Variants in WDR59 observed in about 807,000 individuals in gnomAD.
WDR59 encodes the protein WD repeat domain 59, also known as GATOR2 complex protein WDR59.
WDR59 carries 100 observed loss-of-function variants against 131.2 expected under a neutral mutation model. The ratio of observed to expected loss-of-function variants is 0.76; its 90% CI spans 0.65 to 0.90. The LOEUF (loss-of-function observed/expected upper bound fraction) is 0.90. WDR59 is among the 40% of genes least tolerant of loss of function. The pLI is 0.00. For synonymous variants in WDR59, 601 were observed against 466.2 expected (o/e 1.29, Z -3.72); for missense variants, 1,203 against 1,262.2 (o/e 0.95, Z 0.71).
At chr16:74,953,228 T>C (rs1225881766) in intron 3 of WDR59, among the ~76,000 whole-genome samples, 2 of 152,080 alleles carry the variant, frequency 1.3e-5, no homozygotes. Context: ...TCCCAGCACT[T>C]TGGGAAGCTG....
intron 7 of WDR59, among the ~76,000 whole-genome samples, chr16:74,938,948 A>G (rs1485971266): frequency 6.6e-6 from 1 of 152,130 alleles, no homozygotes; most frequent in Admixed American, 6.5e-5. Context: ...GGGTAAAACC[A>G]TGCATCTTAA....
At chr16:74,984,147 C>T (rs749210791) in intron 1 of WDR59, among the ~76,000 whole-genome samples, 8 of 151,720 alleles carry the variant, frequency 5.3e-5, no homozygotes, top group Non-Finnish European at 1.2e-4. Flanking sequence ...CGTGGTGGTG[C>T]GCACCTGTAA....
At chr16:74,967,185 T>C (rs1339813137) in intron 1 of WDR59, among the ~76,000 whole-genome samples, 1 of 152,128 alleles carries the variant, frequency 6.6e-6, no homozygotes, top group Non-Finnish European at 1.5e-5. Context: ...CAAGTAACAT[T>C]GGGGACAAGA....
At chr16:74,959,863 G>C (rs1294629687) in intron 2 of WDR59, among the ~76,000 whole-genome samples, 1 of 147,960 alleles carries the variant, frequency 6.8e-6, no homozygotes, top group Admixed American at 6.7e-5. Flanking sequence ...AAGAAGAAAA[G>C]AAGAAATTCA....
At chr16:74,911,301 C>T (rs1057381513) in intron 14 of WDR59, among the ~76,000 whole-genome samples, 15 of 152,196 alleles carry the variant, frequency 9.9e-5, no homozygotes, top group Non-Finnish European at 1.8e-4. Context: ...TCAAATACCA[C>T]AAGATCTGAG....
At chr16:74,879,784 T>C (rs1357608164) in intron 25 of WDR59, among the ~76,000 whole-genome samples, 2 of 152,120 alleles carry the variant, frequency 1.3e-5, no homozygotes, top group African/African-American at 4.8e-5. Flanking sequence ...AATAACCCCA[T>C]AGGAAATATC....
intron 25 of WDR59, 32 bp from the exon 26 acceptor site, chr16:74,874,476 G>A (rs759770993): frequency 1.9e-5 from 30 of 1,600,908 alleles, no homozygotes; most frequent in Non-Finnish European, 2.3e-5. Context: ...CAAAACAAGA[G>A]GCAGCATGAG....
chr16:74,950,544 C>T (rs765648833), intron 4 of WDR59, among the ~76,000 whole-genome samples: 2 of 152,224 alleles, frequency 1.3e-5, no homozygotes, highest in Non-Finnish European at 2.9e-5. Flanking sequence ...CCCATGTTCT[C>T]CTTCCTAGAC....
chr16:74,981,746 C>T (rs1405970859), intron 1 of WDR59, among the ~76,000 whole-genome samples: 1 of 136,012 alleles, frequency 7.4e-6, no homozygotes, highest in African/African-American at 2.8e-5. Context: ...ACCTCTGCCT[C>T]CCAGGTTCAA....
At chr16:74,977,598 G>A (rs551595500) in intron 1 of WDR59, among the ~76,000 whole-genome samples, 1 of 152,286 alleles carries the variant, frequency 6.6e-6, no homozygotes, top group Non-Finnish European at 1.5e-5. Context: ...TAAGGCAGGA[G>A]AATGGCGTGA....
intron 13 of WDR59, among the ~76,000 whole-genome samples, chr16:74,913,796 C>T (rs1020289457): frequency 9.2e-5 from 14 of 152,182 alleles, no homozygotes; most frequent in African/African-American, 3.1e-4. Flanking sequence ...TAGGGAGTGA[C>T]TGCTCATGGG....
intron 25 of WDR59, among the ~76,000 whole-genome samples, chr16:74,879,334 G>C (rs1158401135): frequency 6.6e-6 from 1 of 152,170 alleles, no homozygotes; most frequent in East Asian, 1.9e-4. Flanking sequence ...TGCAGCCTGG[G>C]TGACAGAGTG....
chr16:74,974,064 G>A (rs886716826), intron 1 of WDR59, among the ~76,000 whole-genome samples: 6 of 152,194 alleles, frequency 3.9e-5, no homozygotes, highest in Non-Finnish European at 7.3e-5. Context: ...CAGCTACTCA[G>A]GAGGCTGAGG....
intron 2 of WDR59, among the ~76,000 whole-genome samples, chr16:74,959,849 G>C (rs1422831903): frequency 6.8e-6 from 1 of 148,076 alleles, no homozygotes; most frequent in Non-Finnish European, 1.5e-5. Flanking sequence ...AAAAAAAAAA[G>C]AGGAAGAAGA....
chr16:74,957,925 C>T (rs1258016185), intron 2 of WDR59, among the ~76,000 whole-genome samples: 2 of 152,212 alleles, frequency 1.3e-5, no homozygotes, highest in African/African-American at 4.8e-5. Context: ...TACACAATTT[C>T]ACAGAATTTC....
At chr16:74,956,788 G>C (rs896362192) in intron 2 of WDR59, among the ~76,000 whole-genome samples, 178 bp from the exon 3 acceptor site, 7 of 152,182 alleles carry the variant, frequency 4.6e-5, no homozygotes, top group Non-Finnish European at 7.3e-5. Flanking sequence ...CAAGGTGGCT[G>C]TCACACAAAG....
chr16:74,917,148 G>T (rs986675299), intron 11 of WDR59, among the ~76,000 whole-genome samples: 4 of 152,186 alleles, frequency 2.6e-5, no homozygotes, highest in Non-Finnish European at 5.9e-5. Context: ...GCAGAGCAGA[G>T]CAAGGGCCAC....
chr16:74,984,250 C>A (rs990537985), intron 1 of WDR59, among the ~76,000 whole-genome samples: 2 of 152,036 alleles, frequency 1.3e-5, no homozygotes, highest in South Asian at 2.1e-4. Context: ...GCACTCCAGC[C>A]TGGGCAACAG....
chr16:74,928,239 A>G (rs1239113462), intron 8 of WDR59, among the ~76,000 whole-genome samples: 1 of 137,116 alleles, frequency 7.3e-6, no homozygotes, highest in African/African-American at 2.7e-5. Flanking sequence ...CAGAAGACAG[A>G]ATCTCACTTT....
Sources: allele counts gnomAD v4.1 joint callset (sites outside exome capture counted in the v4.1 genomes callset), GRCh38; gene constraint gnomAD v4.1.1; transcripts MANE v1.5; gene names NCBI Gene and HGNC (gene_info 2026-07-23, HGNC 2026-07-21).